Variants in DOP1B observed in about 807,000 individuals in gnomAD.
DOP1B encodes the protein protein DOP1B.
In DOP1B, 174 loss-of-function variants were observed where a neutral mutation model predicts 233.5. That is an observed-to-expected ratio of 0.75 (90% CI 0.66 to 0.85). DOP1B has a LOEUF of 0.85. DOP1B is among the 40% of genes least tolerant of loss of function. The pLI is 0.00. For synonymous variants in DOP1B, 1,190 were observed against 1,185.6 expected, an observed-to-expected ratio of 1.00 and a Z score of -0.08; for missense variants, 2,652 against 2,846.6, an observed-to-expected ratio of 0.93 and a Z score of 1.56.
intron 1 of DOP1B, among the ~76,000 whole-genome samples, chr21:36,159,880 A>G (rs1204820886): frequency 6.6e-6 from 1 of 152,152 alleles, no homozygotes; most frequent in Non-Finnish European, 1.5e-5. Context: ...ACCCTCTGTC[A>G]CTTATGTGTG....
chr21:36,211,901 A>C, intron 6 of DOP1B, 73 bp from the exon 7 acceptor site: 3 of 1,597,086 alleles, frequency 1.9e-6, no homozygotes, highest in Non-Finnish European at 2.6e-6. Flanking sequence ...CCAGCAAGGA[A>C]GGGCTGCGTG....
At chr21:36,247,199 C>T (rs1049081526) in intron 19 of DOP1B, among the ~76,000 whole-genome samples, 10 of 152,214 alleles carry the variant, frequency 6.6e-5, no homozygotes, top group Non-Finnish European at 1.0e-4. Context: ...ATTTCAAATC[C>T]GCACAGGTAC....
intron 35 of DOP1B, among the ~76,000 whole-genome samples, chr21:36,289,918 C>G (rs1265935319): frequency 6.6e-6 from 1 of 152,110 alleles, no homozygotes; most frequent in East Asian, 1.9e-4. Flanking sequence ...ATGGGTGAAG[C>G]ACAGAGGATT....
chr21:36,247,459 C>A, intron 19 of DOP1B, 58 bp from the exon 20 acceptor site: 3 of 1,269,046 alleles, frequency 2.4e-6, no homozygotes, highest in East Asian at 2.4e-5. Flanking sequence ...GGATTAGAAA[C>A]CCTTATGGCC....
At chr21:36,157,350 G>T (rs2065829102) in intron 1 of DOP1B, among the ~76,000 whole-genome samples, 2 of 152,216 alleles carry the variant, frequency 1.3e-5, no homozygotes, top group Non-Finnish European at 2.9e-5. Flanking sequence ...GTTTGCTGGT[G>T]CCCTGGCTGG....
rs1392307808 is a variant in DOP1B at position 36,245,427 on chromosome 21, C to T, written c.3447C>T (p.Pro1149=). 6.2e-7 allele frequency: 1 copy of T among 1,614,018 alleles called. No individual in the cohort carries two copies. Among genetic ancestry groups the T allele is most frequent in the East Asian group, 2.2e-5 (1 of 44,884 alleles). The part of the protein sequence containing the change: ...SNEENCCAPI[P]MGGRAYPKRS... ...AAGAGAACTGCTGTGCACCCATCCC[C>T]ATGGGGGGCAGGGCGTACCCCAAGC... Residue 1149 remains proline, a synonymous_variant, in exon 19 of 37, where the codon CCC becomes CCT. Transcript: ENST00000691173. This position sits in a 1 kb window ranked among gnomAD's most constrained non-coding sequence, Gnocchi z 5.5.
chr21:36,191,743 A>G (rs13051663), intron 2 of DOP1B, among the ~76,000 whole-genome samples: 34,558 of 151,036 alleles, frequency 0.23, 4,320 homozygotes, highest in African/African-American at 0.33. Context: ...CCGAGATCAC[A>G]CCACTGCACT....
intron 1 of DOP1B, among the ~76,000 whole-genome samples, chr21:36,161,174 C>T (rs972967259): frequency 2.0e-5 from 3 of 151,908 alleles, no homozygotes; most frequent in Non-Finnish European, 4.4e-5. Context: ...GGGACAGAGT[C>T]TCACTATGTC....
intron 2 of DOP1B, among the ~76,000 whole-genome samples, chr21:36,176,314 C>T (rs1454887949): frequency 6.6e-6 from 1 of 152,092 alleles, no homozygotes; most frequent in Non-Finnish European, 1.5e-5. Context: ...GCTGCTGCCA[C>T]AGTTGACTCT....
intron 15 of DOP1B, among the ~76,000 whole-genome samples, chr21:36,235,448 G>A (rs575649493): frequency 6.6e-6 from 1 of 152,034 alleles, no homozygotes; most frequent in Non-Finnish European, 1.5e-5. Context: ...GGCCCGGCTC[G>A]GTGGCTCACG....
intron 2 of DOP1B, among the ~76,000 whole-genome samples, chr21:36,167,142 C>G (rs539167129): frequency 6.6e-6 from 1 of 152,186 alleles, no homozygotes; most frequent in African/African-American, 2.4e-5. Flanking sequence ...GTACTCAGCC[C>G]TCCTGGAGTC....
chr21:36,260,306 A>AT (rs1601459726), intron 23 of DOP1B, among the ~76,000 whole-genome samples: 2 of 151,190 alleles, frequency 1.3e-5, no homozygotes, highest in South Asian at 2.1e-4. Context: ...AAGAATTAGA[A>AT]TTTTTTCTTG....
At chr21:36,193,556 G>A (rs558865847) in intron 2 of DOP1B, among the ~76,000 whole-genome samples, 3 of 152,242 alleles carry the variant, frequency 2.0e-5, no homozygotes, top group African/African-American at 7.2e-5. Context: ...GAAGGTGAGA[G>A]TATCCTTCCT....
At chr21:36,255,541 G>A (rs1464749435) in intron 23 of DOP1B, among the ~76,000 whole-genome samples, 2 of 151,744 alleles carry the variant, frequency 1.3e-5, no homozygotes, top group East Asian at 1.9e-4. Context: ...ACCTCCCCAG[G>A]CTCAAATGAT....
rs146224648 is a variant in DOP1B, at chr21:36,265,788, G to C, written c.5487+1974G>C. 5.3e-5 allele frequency among the ~76,000 whole-genome samples: 8 copies of C among 152,194 alleles called. No individual in the cohort carries two copies. The East Asian group carries it at 1.5e-3, about 29-fold the overall frequency. On this transcript the variant is annotated intron_variant, in intron 26 of 36. Transcript: ENST00000691173. The stretch of plus-strand genomic sequence containing the variant: ...CACCCTATGCTTCTTCCCCACTGAG[G>C]ATATAGAAAAAAACAAAGTGTGATT...
intron 18 of DOP1B, among the ~76,000 whole-genome samples, chr21:36,243,087 C>T (rs1415694258): frequency 6.6e-6 from 1 of 151,276 alleles, no homozygotes; most frequent in Non-Finnish European, 1.5e-5. Context: ...TCAAGCCATT[C>T]GCCTGCCTCA....
At position 36,200,362 on chromosome 21, in the gene DOP1B, G is replaced by T; in HGVS notation, c.352G>T (p.Ala118Ser). The change falls in exon 4 of 37, where the codon GCG becomes TCG. Residue 118 changes from alanine to serine, a missense_variant. By Grantham distance (99) the Ala-to-Ser change is moderately conservative (BLOSUM62 1). This residue lies in a region of DOP1B where 2,617 missense variants were observed against 2,794.3 expected (regional missense o/e 0.94). Coordinates refer to ENST00000691173, the MANE Select transcript of DOP1B (RefSeq NM_001320714.2). ...CGLFPLLAHA[A>S]VSVRPVLLTL... is the part of the protein sequence containing the mutation. ...GTTATTTCCTCTCCTGGCACACGCG[G>T]CGGTGTCGGTGAGGCCGGTGCTGCT... The T allele has an allele frequency of 6.2e-7, 1 of 1,608,846 alleles. No individual in the cohort carries two copies. Among genetic ancestry groups the T allele is most frequent in the Non-Finnish European group, 8.5e-7 (1 of 1,178,210 alleles).
At chr21:36,224,466 C>T (rs368160195) in intron 11 of DOP1B, among the ~76,000 whole-genome samples, 24 of 151,902 alleles carry the variant, frequency 1.6e-4, no homozygotes, top group African/African-American at 3.6e-4. Context: ...AGGCATGAGC[C>T]GCCGCATCTG....
Position 36,223,359 on chromosome 21 carries a change from G to T in DOP1B, c.1370+9G>T. 1 of 1,607,194 alleles carries T rather than the reference G, an allele frequency of 6.2e-7. No homozygotes were observed. The highest frequency in any genetic ancestry group is 2.2e-5 in the East Asian group (1 of 44,546). On this transcript the variant is annotated intron_variant, in intron 11 of 36. Transcript: ENST00000691173. ...TTTGAGGAATGCTTTAGGTAAGTAT[G>T]CAGTTCAAGAATGCAGAATATTTAG... is the stretch of plus-strand genomic sequence containing the variant.
Sources: gnomAD v4.1 joint callset for allele counts (sites outside exome capture counted in the v4.1 genomes callset) on GRCh38, gnomAD v4.1.1 for gene constraint, gnomAD v4.1.1 regional missense constraint, Gnocchi (gnomAD v3.1) non-coding constraint, MANE v1.5 for transcripts, NCBI Gene and HGNC (gene_info 2026-07-23, HGNC 2026-07-21) for gene names.